The following LARP1B variants were observed in gnomAD, a reference collection of about 807,000 sequenced individuals.
LARP1B encodes the protein la-related protein 1B.
LARP1B carries 76 observed loss-of-function variants against 114.2 expected under a neutral mutation model. That is an observed-to-expected ratio of 0.67 (90% CI 0.55 to 0.81). LARP1B has a LOEUF of 0.81. Among genes scored for constraint, LARP1B ranks in the 30% least tolerant of loss-of-function variants. The pLI is 0.00. For synonymous variants in LARP1B, 345 were observed against 348.0 expected (o/e 0.99, Z 0.10); for missense variants, 1,014 against 1,075.8 (o/e 0.94, Z 0.80).
intron 10 of LARP1B, among the ~76,000 whole-genome samples, chr4:128,119,398 G>A (rs1411991155): frequency 1.3e-5 from 2 of 152,186 alleles, no homozygotes; most frequent in Non-Finnish European, 2.9e-5. Context: ...AATAATGCTA[G>A]GATGTGTTCA....
At chr4:128,116,880 A>C (rs1312163619) in intron 10 of LARP1B, among the ~76,000 whole-genome samples, 1 of 147,438 alleles carries the variant, frequency 6.8e-6, no homozygotes. Context: ...AAGTCAGTCC[A>C]TTCACATTCT....
intron 12 of LARP1B, among the ~76,000 whole-genome samples, chr4:128,169,554 T>G (rs184561474): frequency 6.6e-6 from 1 of 152,302 alleles, no homozygotes; most frequent in African/African-American, 2.4e-5. Context: ...GTTTAAATTA[T>G]TGATTTGAGA....
At chr4:128,205,750 A>G (rs1757405854) in intron 17 of LARP1B, among the ~76,000 whole-genome samples, 1 of 152,198 alleles carries the variant, frequency 6.6e-6, no homozygotes, top group African/African-American at 2.4e-5. Context: ...TGCTGTGTAC[A>G]AAGATACCAT....
At chr4:128,069,500 G>C in intron 1 of LARP1B, 1 of 751,310 alleles carries the variant, frequency 1.3e-6, no homozygotes, top group Non-Finnish European at 2.4e-6. Context: ...TATCAAGCCA[G>C]ATGGGGTGGG....
At position 128,178,541 on chromosome 4, in the gene LARP1B, A is replaced by G; in HGVS notation, c.1795A>G (p.Thr599Ala). Residue 599 changes from threonine (T) to alanine (A), a missense_variant, in exon 14 of 20, where the codon ACA becomes GCA. By Grantham distance (58) the Thr-to-Ala change is moderately conservative. Coordinates refer to ENST00000326639, the MANE Select transcript of LARP1B (RefSeq NM_018078.4). ...AVPESPRIHP[T>A]RTPKTPRTPR... is the part of the protein sequence containing the mutation. ...TCCAGAATCTCCTAGAATTCATCCT[A>G]CAAGAACACCCAAAACACCTCGAAC... The G allele has an allele frequency of 1.2e-6, 2 of 1,614,092 alleles. No homozygotes were observed. Among genetic ancestry groups the G allele is most frequent in the Non-Finnish European group, 8.5e-7 (1 of 1,179,962 alleles).
chr4:128,130,837 C>A (rs1227273692), intron 11 of LARP1B, among the ~76,000 whole-genome samples: 1 of 152,144 alleles, frequency 6.6e-6, no homozygotes, highest in African/African-American at 2.4e-5. Context: ...AATGGACTTA[C>A]TCAGAGCTCA....
At chr4:128,102,656 C>T (rs535594132) in intron 8 of LARP1B, among the ~76,000 whole-genome samples, 26 of 152,144 alleles carry the variant, frequency 1.7e-4, no homozygotes, top group Non-Finnish European at 3.1e-4. Flanking sequence ...ACTGCATTCT[C>T]GATGTCTTCC....
At chr4:128,166,348 C>T (rs1049348658) in intron 12 of LARP1B, among the ~76,000 whole-genome samples, 7 of 151,856 alleles carry the variant, frequency 4.6e-5, no homozygotes, top group African/African-American at 1.7e-4. Context: ...CCATCTCTAT[C>T]ACCCTGTAAA....
intron 12 of LARP1B, among the ~76,000 whole-genome samples, chr4:128,173,107 G>A (rs570726093): frequency 6.6e-6 from 1 of 152,078 alleles, no homozygotes; most frequent in South Asian, 2.1e-4. Flanking sequence ...ACAAAATATA[G>A]TTATGATTTT....
chr4:128,199,438 G>A lies in LARP1B; in HGVS notation c.2004-1G>A, dbSNP rs1755245965. On this transcript the variant is annotated splice_acceptor_variant, in intron 15 of 19. Coordinates refer to ENST00000326639, the MANE Select transcript of LARP1B (RefSeq NM_018078.4). LOFTEE classifies it high-confidence loss of function. ...AGGCTTTTTTCCCCTTTCTCAAACA[G>A]CACTTCAAATGCTTCACCTTCAGAA... The A allele has an allele frequency of 1.3e-6, 2 of 1,499,738 alleles. No individual in the cohort carries two copies. Among genetic ancestry groups the A allele is most frequent in the Non-Finnish European group, 8.9e-7 (1 of 1,118,954 alleles). 92.9% of individuals were successfully genotyped at this position (1,499,738 alleles called of 1,614,324 possible). A position where few individuals can be genotyped will look rare whatever the true frequency, so the allele number is the denominator to read the frequency against.
intron 11 of LARP1B, among the ~76,000 whole-genome samples, chr4:128,140,619 G>A (rs1210879005): frequency 6.6e-6 from 1 of 152,132 alleles, no homozygotes; most frequent in Non-Finnish European, 1.5e-5. Context: ...TGTGTTTCTG[G>A]TAGTTGTTAC....
intron 1 of LARP1B, among the ~76,000 whole-genome samples, chr4:128,064,270 T>C (rs1251433045): frequency 3.8e-4 from 1 of 2,626 alleles, no homozygotes; most frequent in Non-Finnish European, 1.1e-3. Flanking sequence ...AGACTCAGTC[T>C]CAAAAAAAAA....
At chr4:128,086,009 C>CTTTTT (rs143345158) in intron 5 of LARP1B, among the ~76,000 whole-genome samples, 10 of 91,262 alleles carry the variant, frequency 1.1e-4, no homozygotes, top group East Asian at 2.9e-4. Flanking sequence ...TCATGGTATT[C>CTTTTT]TTTTTTTTTT....
intron 15 of LARP1B, among the ~76,000 whole-genome samples, chr4:128,192,312 G>C (rs1752548575): frequency 6.6e-6 from 1 of 152,044 alleles, no homozygotes; most frequent in Non-Finnish European, 1.5e-5. Flanking sequence ...GTCTAGAATT[G>C]AACCAGCAAT....
downstream of LARP1B, among the ~76,000 whole-genome samples, chr4:128,212,773 G>A (rs1418865466): frequency 2.0e-5 from 3 of 152,046 alleles, no homozygotes; most frequent in Admixed American, 6.6e-5. Context: ...AAGTAAAAAC[G>A]TGTCTCCATT....
At chr4:128,125,609 G>T (rs1789310220) in intron 11 of LARP1B, among the ~76,000 whole-genome samples, 2 of 152,188 alleles carry the variant, frequency 1.3e-5, no homozygotes, top group Non-Finnish European at 2.9e-5. Flanking sequence ...GCTGGACATG[G>T]TGGCGCGTGC....
chr4:128,111,151 A>G (rs1561262466), intron 9 of LARP1B, among the ~76,000 whole-genome samples: 1 of 151,638 alleles, frequency 6.6e-6, no homozygotes, highest in African/African-American at 2.4e-5. Context: ...GGTTCAAGCA[A>G]TTCTCCTGCC....
At chr4:128,169,196 G>A (rs891156089) in intron 12 of LARP1B, among the ~76,000 whole-genome samples, 2 of 151,594 alleles carry the variant, frequency 1.3e-5, no homozygotes, top group Non-Finnish European at 2.9e-5. Flanking sequence ...ATTTTTTTAA[G>A]TTTTATTTTC....
rs181742296 is a variant in LARP1B at position 128,117,762 on chromosome 4, C to T, written c.1161+3020C>T. On this transcript the variant is annotated intron_variant, in intron 10 of 19. Transcript: ENST00000326639. ...CTCGAACTCCTGACCTCAGGTGAAC[C>T]GCTGGCCTCGGCCTCCCAAAGTGTT... Among the ~76,000 whole-genome samples the T allele has an allele frequency of 1.2e-4, 19 of 152,140 alleles. No individual in the cohort carries two copies. The East Asian group carries it at 1.7e-3, about 14-fold the overall frequency.
Sources: allele counts gnomAD v4.1 joint callset (sites outside exome capture counted in the v4.1 genomes callset), GRCh38; gene constraint gnomAD v4.1.1; transcripts MANE v1.5; gene names NCBI Gene and HGNC (gene_info 2026-07-23, HGNC 2026-07-21).